Variants in TRIM36 observed in about 807,000 individuals in gnomAD.
TRIM36 encodes the protein E3 ubiquitin-protein ligase TRIM36.
In TRIM36, 42 loss-of-function variants were observed where a neutral mutation model predicts 72.4. The observed-to-expected ratio is 0.58, with a 90% confidence interval of 0.45 to 0.75. The LOEUF is 0.75. TRIM36 is among the 30% of genes least tolerant of loss of function. TRIM36 has a pLI of 0.00. For synonymous variants in TRIM36, 315 were observed against 282.8 expected (o/e 1.11, Z -1.14); for missense variants, 913 against 857.1 (o/e 1.07, Z -0.81).
intron 7 of TRIM36, among the ~76,000 whole-genome samples, chr5:115,134,647 T>C (rs1214099202): frequency 6.6e-6 from 1 of 152,118 alleles, no homozygotes; most frequent in Non-Finnish European, 1.5e-5. Context: ...TTCAAGTGAT[T>C]CTCCCGCCTC....
intron 1 of TRIM36, among the ~76,000 whole-genome samples, chr5:115,167,735 C>A (rs2126941951): frequency 6.6e-6 from 1 of 152,332 alleles, no homozygotes; most frequent in African/African-American, 2.4e-5. Flanking sequence ...CAAACTGTTC[C>A]AATCTCTGCC....
upstream of TRIM36, among the ~76,000 whole-genome samples, chr5:115,172,242 CAAAA>C (rs2126952885): frequency 6.6e-6 from 1 of 152,176 alleles, no homozygotes; most frequent in South Asian, 2.1e-4. Context: ...CAAATCCTAT[CAAAA>C]ATTTTAAATA....
intron 9 of TRIM36, among the ~76,000 whole-genome samples, chr5:115,128,091 G>GGT (rs1752449144): frequency 6.7e-6 from 1 of 150,308 alleles, no homozygotes; most frequent in Non-Finnish European, 1.5e-5. Flanking sequence ...AAAAAAATTG[G>GGT]GGGGGGCCAG....
intron 7 of TRIM36, among the ~76,000 whole-genome samples, chr5:115,136,635 A>T (rs774932009): frequency 2.6e-5 from 4 of 152,214 alleles, no homozygotes; most frequent in African/African-American, 9.6e-5. Flanking sequence ...GGAAAAAAAA[A>T]GTCTCTTAGT....
upstream of TRIM36, chr5:115,169,966 C>T (rs968694609): frequency 9.3e-6 from 11 of 1,179,572 alleles, no homozygotes; most frequent in African/African-American, 1.7e-4. Flanking sequence ...GTGGACAGGG[C>T]GTGGCCTGGT....
At chr5:115,132,570 G>T (rs201309302) in intron 8 of TRIM36, among the ~76,000 whole-genome samples, 4 of 133,454 alleles carry the variant, frequency 3.0e-5, no homozygotes, top group East Asian at 2.1e-4. Flanking sequence ...AAAAAAAAAA[G>T]ACTGCTAGCA....
At chr5:115,180,291 G>T, upstream of TRIM36, 1 of 369,594 alleles carries the variant, frequency 2.7e-6, no homozygotes, top group South Asian at 6.1e-5. Context: ...CGATCTAACG[G>T]AACAAACGAG....
chr5:115,147,538 T>C (rs1753660432), intron 2 of TRIM36, 144 bp from the exon 3 acceptor site: 1 of 1,026,238 alleles, frequency 9.7e-7, no homozygotes, highest in South Asian at 1.9e-5. Flanking sequence ...ATTTGTATTG[T>C]GAAAATGTTT....
intron 4 of TRIM36, among the ~76,000 whole-genome samples, chr5:115,142,581 G>C (rs1453616527): frequency 1.3e-5 from 2 of 152,150 alleles, no homozygotes; most frequent in Non-Finnish European, 2.9e-5. Flanking sequence ...AATGCTCAAA[G>C]TATCTGGCCA....
At position 115,163,592 on chromosome 5, in the gene TRIM36, T is replaced by C. The variant is rs1210629789; in HGVS notation, c.188A>G (p.Asn63Ser). 1 of 1,614,118 alleles carries C rather than the reference T, an allele frequency of 6.2e-7. No homozygotes were observed. The highest frequency in any genetic ancestry group is 8.5e-7 in the Non-Finnish European group (1 of 1,180,022). ...AAGTCGAGGACTGCTTTGATTGGAG[T>C]TGTCTGATCCCACATCGTTGAATGA... ...DDSFNDVGSD[N>S]SNQSSPRLRL... The change falls in exon 2 of 10, where the codon AAC becomes AGC. Residue 63 changes from asparagine (N) to serine (S), a missense_variant. Coordinates refer to ENST00000513154, the MANE Select transcript of TRIM36 (RefSeq NM_001300759.2).
At chr5:115,144,545 G>T in intron 4 of TRIM36, 53 bp downstream of exon 4, 3 of 1,602,574 alleles carry the variant, frequency 1.9e-6, no homozygotes, top group Non-Finnish European at 2.6e-6. Context: ...AAAGTTAAAG[G>T]CATAAAGTAA....
chr5:115,126,817 C>T lies in TRIM36; in HGVS notation c.1837G>A (p.Ala613Thr), dbSNP rs1430754837. The T allele has an allele frequency of 2.5e-6, 4 of 1,613,952 alleles. No homozygotes were observed. Among genetic ancestry groups the T allele is most frequent in the Non-Finnish European group, 3.4e-6 (4 of 1,179,924 alleles). ...AATGGTTGTGAAGAATCAAAACAGG[C>T]ATCCTCACTTCCACTGTCATGCCCA... Reference protein sequence around the residue: ...DSGHDSGSEDACFDSSQPFTL... With the variant: ...DSGHDSGSEDTCFDSSQPFTL... The change falls in exon 10 of 10, where the codon GCC becomes ACC. Residue 613 changes from alanine (A) to threonine (T), a missense_variant. Transcript: ENST00000513154.
At chr5:115,131,352 A>G (rs10076295) in intron 8 of TRIM36, among the ~76,000 whole-genome samples, 190 of 152,322 alleles carry the variant, frequency 1.2e-3, no homozygotes, top group African/African-American at 4.4e-3. Flanking sequence ...CATGGCAGAC[A>G]TAAGAAACAT....
intron 2 of TRIM36, chr5:115,148,214 C>T: frequency 1.8e-6 from 1 of 558,278 alleles, no homozygotes; most frequent in South Asian, 7.8e-5. Flanking sequence ...AAAGTTACCC[C>T]AAAAACACTA....
chr5:115,142,763 A>G (rs1438152259), intron 4 of TRIM36, among the ~76,000 whole-genome samples: 1 of 152,220 alleles, frequency 6.6e-6, no homozygotes, highest in African/African-American at 2.4e-5. Flanking sequence ...GAAAATAGGC[A>G]TTGAAGATTA....
Position 115,130,677 on chromosome 5 carries a change from A to G in TRIM36, c.1711T>C (p.Tyr571His), listed in dbSNP as rs1752628363. The G allele has an allele frequency of 1.2e-6, 2 of 1,614,066 alleles. No individual in the cohort carries two copies. Among genetic ancestry groups the G allele is most frequent in the African/African-American group, 1.3e-5 (1 of 74,938 alleles). Residue 571 changes from tyrosine (Y) to histidine (H), a missense_variant, in exon 9 of 10, where the codon TAT becomes CAT. Transcript: ENST00000513154. ...ACTCCCACTTTTACCAGGTATGAAT[A>G]TGGTTCCACACGGAAGGCCCAGAAG... Reference protein sequence around the residue: ...KHFWAFRVEPYSYLVKVGVAS... With the variant: ...KHFWAFRVEPHSYLVKVGVAS...
intron 2 of TRIM36, among the ~76,000 whole-genome samples, chr5:115,156,455 G>A (rs1157574989): frequency 6.6e-6 from 1 of 152,158 alleles, no homozygotes; most frequent in East Asian, 1.9e-4. Context: ...TATGGTACTG[G>A]TATAAAAATA....
At chr5:115,131,606 A>G (rs1006387905) in intron 8 of TRIM36, among the ~76,000 whole-genome samples, 2 of 152,254 alleles carry the variant, frequency 1.3e-5, no homozygotes, top group Non-Finnish European at 2.9e-5. Context: ...TGTGGTATAT[A>G]CATACAATGG....
In TRIM36 at chr5:115,136,980, T is replaced by C. The variant is rs199856375; in HGVS notation, c.1210+20A>G. 1.3e-4 allele frequency: 206 copies of C among 1,550,340 alleles called. No individual in the cohort carries two copies. Among genetic ancestry groups the C allele is most frequent in the Non-Finnish European group, 1.7e-4 (199 of 1,152,142 alleles). ...AATTCAGACAAAAAGAATGAGGTTT[T>C]TGCCTTCATTAAGACTTACCACTAG... On this transcript the variant is annotated intron_variant, in intron 7 of 9. Coordinates refer to ENST00000513154, the MANE Select transcript of TRIM36 (RefSeq NM_001300759.2).
Sources: gnomAD v4.1 joint callset for allele counts (sites outside exome capture counted in the v4.1 genomes callset) on GRCh38, gnomAD v4.1.1 for gene constraint, MANE v1.5 for transcripts, NCBI Gene and HGNC (gene_info 2026-07-23, HGNC 2026-07-21) for gene names.